Variants in PPP4R2 observed in about 807,000 individuals in gnomAD.
PPP4R2 encodes protein phosphatase 4 regulatory subunit 2.
A neutral mutation model predicts 47.2 loss-of-function variants in PPP4R2; 13 were observed. That is an observed-to-expected ratio of 0.28 (90% CI 0.18 to 0.44). The LOEUF (loss-of-function observed/expected upper bound fraction) is 0.44. Among genes scored for constraint, PPP4R2 ranks in the 20% least tolerant of loss-of-function variants. The pLI, the probability that PPP4R2 is intolerant of heterozygous loss-of-function variation, is 1.00. For missense variants in PPP4R2, 421 were observed against 491.2 expected (o/e 0.86, Z 1.35); for synonymous variants, 151 against 163.3 (o/e 0.92, Z 0.57).
intron 2 of PPP4R2, among the ~76,000 whole-genome samples, chr3:73,039,898 A>T (rs1393298863): frequency 6.6e-6 from 1 of 152,200 alleles, no homozygotes; most frequent in African/African-American, 2.4e-5. Context: ...TACTAAAAAT[A>T]CAAAAATTAG....
intron 3 of PPP4R2, among the ~76,000 whole-genome samples, chr3:73,052,205 G>T (rs1003851780): frequency 2.0e-5 from 3 of 149,794 alleles, no homozygotes; most frequent in South Asian, 4.2e-4. Context: ...GTCTATTGAG[G>T]CATAGAAGAA....
intron 3 of PPP4R2, among the ~76,000 whole-genome samples, chr3:73,052,497 C>T (rs1253708772): frequency 6.6e-6 from 1 of 152,058 alleles, no homozygotes; most frequent in African/African-American, 2.4e-5. Context: ...TGAAAATCCT[C>T]CTCCTATTAC....
At position 73,000,477 on chromosome 3, in the gene PPP4R2, T is replaced by A. The variant is rs111337195; in HGVS notation, c.116+2319T>A. 6.6e-5 allele frequency among the ~76,000 whole-genome samples: 10 copies of A among 152,340 alleles called. 1 individual carries two copies. The highest frequency in any genetic ancestry group is 2.4e-4 in the African/African-American group (10 of 41,582). ...CTTAGTTTTCTTTTCAAAAGACAAT[T>A]GATTTGACACTTGCTTTTAGCTTTA... On this transcript the variant is annotated intron_variant, in intron 2 of 8. Coordinates refer to ENST00000356692, the MANE Select transcript of PPP4R2 (RefSeq NM_174907.4).
chr3:73,034,706 A>T lies in PPP4R2; in HGVS notation c.117-12480A>T, dbSNP rs1032971760. On this transcript the variant is annotated intron_variant, in intron 2 of 8. Coordinates refer to ENST00000356692, the MANE Select transcript of PPP4R2 (RefSeq NM_174907.4). ...TGCCACCATGCCTGGATAATTTTTA[A>T]ATTTTTTGTAGAGATGGGATCTCGC... Among the ~76,000 whole-genome samples the T allele has an allele frequency of 8.6e-5, 13 of 151,768 alleles. 1 individual carries two copies. The highest frequency in any genetic ancestry group is 7.9e-4 in the Admixed American group (12 of 15,208).
At chr3:73,059,761 C>T (rs1339827124) in intron 4 of PPP4R2, among the ~76,000 whole-genome samples, 1 of 151,786 alleles carries the variant, frequency 6.6e-6, no homozygotes, top group Non-Finnish European at 1.5e-5. Context: ...ATGGTGAAAC[C>T]CTGTCTCTGC....
At chr3:73,046,484 A>G (rs1329725738) in intron 2 of PPP4R2, among the ~76,000 whole-genome samples, 2 of 152,218 alleles carry the variant, frequency 1.3e-5, no homozygotes, top group Non-Finnish European at 2.9e-5. Context: ...TATCCTCACA[A>G]AATTTCCTTT....
In PPP4R2 at chr3:73,064,864, C is replaced by G; in HGVS notation, c.651C>G (p.Thr217=). 1.9e-6 allele frequency: 3 copies of G among 1,604,486 alleles called. No homozygotes were observed. Among genetic ancestry groups the G allele is most frequent in the Non-Finnish European group, 2.5e-6 (3 of 1,176,582 alleles). Residue 217 remains threonine (T), a synonymous_variant, in exon 8 of 9, where the codon ACC becomes ACG. Transcript: ENST00000356692. ...AAAACATTTACAGTGACTCTTCGAC[C>G]TCTGAATCAGAAGTTTCCTCAGTGA... The part of the protein sequence containing the change: ...NEEKNHSDSS[T]SESEVSSVSP...
chr3:73,004,789 C>T (rs1432236446), intron 2 of PPP4R2, among the ~76,000 whole-genome samples: 5 of 152,048 alleles, frequency 3.3e-5, no homozygotes, highest in African/African-American at 9.7e-5. Flanking sequence ...TTATAAACTG[C>T]CCAATCTTTT....
chr3:73,010,007 A>G (rs531543323), intron 2 of PPP4R2, among the ~76,000 whole-genome samples: 47 of 152,304 alleles, frequency 3.1e-4, no homozygotes, highest in African/African-American at 9.9e-4. Flanking sequence ...TTCCATCCCT[A>G]TCGGATACCT....
At chr3:73,051,891 C>G (rs920649055) in intron 3 of PPP4R2, among the ~76,000 whole-genome samples, 1 of 152,204 alleles carries the variant, frequency 6.6e-6, no homozygotes, top group Non-Finnish European at 1.5e-5. Context: ...TCCCAAAGTG[C>G]TGGGATTACA....
At chr3:73,033,853 G>C (rs1432862365) in intron 2 of PPP4R2, among the ~76,000 whole-genome samples, 1 of 152,188 alleles carries the variant, frequency 6.6e-6, no homozygotes, top group Non-Finnish European at 1.5e-5. Context: ...TAGCCATTGT[G>C]AATAACACTG....
intron 2 of PPP4R2, among the ~76,000 whole-genome samples, chr3:72,999,507 A>G (rs547824300): frequency 4.6e-5 from 7 of 152,386 alleles, no homozygotes; most frequent in Admixed American, 3.3e-4. Flanking sequence ...GTTTTTTGAT[A>G]TACAAGATGA....
chr3:73,015,809 T>C (rs564720345), intron 2 of PPP4R2: 2 of 446,124 alleles, frequency 4.5e-6, no homozygotes, highest in South Asian at 3.1e-5. Flanking sequence ...GATTAATTTT[T>C]TTGTGTGTTT....
chr3:73,033,059 A>C (rs1277335145), intron 2 of PPP4R2, among the ~76,000 whole-genome samples: 2 of 152,064 alleles, frequency 1.3e-5, no homozygotes, highest in Non-Finnish European at 2.9e-5. Flanking sequence ...TCCTGTAATT[A>C]ACTTTTTGTG....
chr3:73,060,892 A>G, intron 4 of PPP4R2, 131 bp from the exon 5 acceptor site: 1 of 546,452 alleles, frequency 1.8e-6, no homozygotes, highest in Non-Finnish European at 3.1e-6. Context: ...ATTTTTAACC[A>G]TTTTCCTTTA....
rs1205896888 is a variant in PPP4R2, at chr3:73,005,460, TTGGGG to T, written c.116+7303_116+7307del. On this transcript the variant is annotated intron_variant, in intron 2 of 8. Coordinates refer to ENST00000356692, the MANE Select transcript of PPP4R2 (RefSeq NM_174907.4). ...TGAATTGTTGTCTTTGGTTTTTTTG[TTGGGG>T]AGGGGAGGGAGACTATATTGCTGCA... Among the ~76,000 whole-genome samples, 10 of 152,168 alleles carry T rather than the reference TTGGGG, an allele frequency of 6.6e-5. No homozygotes were observed. In the South Asian group the frequency reaches 1.7e-3, roughly 25 times the overall value.
intron 2 of PPP4R2, 117 bp from the exon 3 acceptor site, chr3:73,047,065 CTAAT>C: frequency 5.1e-6 from 3 of 592,738 alleles, no homozygotes; most frequent in South Asian, 5.0e-5. Context: ...ATTCTCATTA[CTAAT>C]TATTCACATC....
intron 2 of PPP4R2, among the ~76,000 whole-genome samples, chr3:73,028,050 A>G (rs2107268987): frequency 6.7e-6 from 1 of 149,228 alleles, no homozygotes; most frequent in Admixed American, 6.7e-5. Context: ...TGAGGTCAGG[A>G]GTTTGAGACC....
Position 73,066,127 on chromosome 3 carries a change from A to G in PPP4R2, c.*405A>G, listed in dbSNP as rs538099433. On this transcript the variant is annotated 3_prime_UTR_variant, in exon 9 of 9. Coordinates refer to ENST00000356692, the MANE Select transcript of PPP4R2 (RefSeq NM_174907.4). ...CTTTCTGATAGCTCTAGCAGTTTTC[A>G]TATTTTGGTCATAGTTTCAACATTT... The G allele has an allele frequency of 6.6e-6, 1 of 150,726 alleles. No homozygotes were observed. The highest frequency in any genetic ancestry group is 1.9e-4 in the East Asian group (1 of 5,180). 9.3% of individuals were successfully genotyped at this position (150,726 alleles called of 1,614,324 possible).
Sources: allele counts gnomAD v4.1 joint callset (sites outside exome capture counted in the v4.1 genomes callset), GRCh38; gene constraint gnomAD v4.1.1; transcripts MANE v1.5; gene names NCBI Gene and HGNC (gene_info 2026-07-23, HGNC 2026-07-21).